Variants in NUP160 observed in about 807,000 individuals in gnomAD.
NUP160 encodes the protein nuclear pore complex protein Nup160.
Under a neutral mutation model 196.9 loss-of-function variants are expected in NUP160, and 94 were observed. The observed-to-expected ratio is 0.48, with a 90% confidence interval of 0.40 to 0.57. The LOEUF (loss-of-function observed/expected upper bound fraction) is 0.57. Ranked by LOEUF, NUP160 falls within the 20% of genes least tolerant of loss-of-function variation. The pLI is 0.00. For synonymous variants in NUP160, 605 were observed against 619.7 expected (o/e 0.98, Z 0.35); for missense variants, 1,638 against 1,748.3 (o/e 0.94, Z 1.13).
At chr11:47,814,497 C>A (rs1197767114) in intron 13 of NUP160, among the ~76,000 whole-genome samples, 1 of 149,776 alleles carries the variant, frequency 6.7e-6, no homozygotes, top group Non-Finnish European at 1.5e-5. Context: ...GCCGAGATTG[C>A]ACCACTGGAC....
intron 23 of NUP160, among the ~76,000 whole-genome samples, chr11:47,800,186 G>A (rs1268716276): frequency 6.6e-6 from 1 of 151,402 alleles, no homozygotes; most frequent in African/African-American, 2.4e-5. Flanking sequence ...CCTGGTAGAC[G>A]GAGGTTGCAG....
exon 25 of NUP160, chr11:47,798,258 G>A (rs1248573094): frequency 1.2e-6 from 2 of 1,605,006 alleles, no homozygotes; most frequent in East Asian, 4.5e-5. Context: ...TGTCCTTAGA[G>A]TAGCCTAAAT....
chr11:47,807,609 G>C (rs1313541145), intron 18 of NUP160, among the ~76,000 whole-genome samples: 1 of 152,068 alleles, frequency 6.6e-6, no homozygotes, highest in Non-Finnish European at 1.5e-5. Flanking sequence ...GGAGGTTGCA[G>C]TGAGCCGAGA....
intron 33 of NUP160, among the ~76,000 whole-genome samples, chr11:47,783,535 G>C (rs992850045): frequency 2.0e-5 from 3 of 152,232 alleles, no homozygotes; most frequent in Admixed American, 6.5e-5. Flanking sequence ...AACTTTTCCT[G>C]AACACTAAAG....
chr11:47,814,081 A>AG (rs1302037656), intron 13 of NUP160, among the ~76,000 whole-genome samples: 2 of 139,162 alleles, frequency 1.4e-5, no homozygotes, highest in Admixed American at 1.4e-4. Flanking sequence ...AAAAAAAAAA[A>AG]AAAAAAAAAA....
At chr11:47,837,488 C>G (rs1181545742) in intron 5 of NUP160, 57 bp downstream of exon 5, 1 of 1,291,282 alleles carries the variant, frequency 7.7e-7, no homozygotes, top group East Asian at 2.3e-5. Context: ...AACTGCCGAC[C>G]AGTGCAAAAA....
Position 47,779,199 on chromosome 11 carries a change from A to G in NUP160, c.4222-5T>C. 1 of 1,579,984 alleles carries G rather than the reference A, an allele frequency of 6.3e-7. No individual in the cohort carries two copies. On this transcript the variant is annotated splice_polypyrimidine_tract_variant and splice_region_variant and intron_variant, in intron 35 of 35. Transcript: ENST00000378460. ...GTCAAGTATTTTCTGGGACAGCTAT[A>G]AGAGAAAAGAAGGAAAACATTACAT...
intron 26 of NUP160, 37 bp from the exon 27 acceptor site, chr11:47,797,921 A>G: frequency 1.3e-6 from 2 of 1,570,938 alleles, no homozygotes; most frequent in Non-Finnish European, 1.7e-6. Flanking sequence ...CTAAGTCAGT[A>G]GCAATCATGG....
In NUP160 at chr11:47,813,033, G is replaced by A. The variant is rs776466688; in HGVS notation, c.1801C>T (p.Arg601Trp). 8.7e-6 allele frequency: 14 copies of A among 1,606,712 alleles called. No homozygotes were observed. Among genetic ancestry groups the A allele is most frequent in the South Asian group, 6.6e-5 (6 of 90,362 alleles). Reference sequence around the variant, plus strand: ...CATTTTATAAGACATATGACATCCCGAGCGATGTCCACATCTACAAATAAG... The same window carrying A: ...CATTTTATAAGACATATGACATCCCAAGCGATGTCCACATCTACAAATAAG... Residue 601 changes from arginine (R) to tryptophan (W), a missense_variant, in exon 15 of 36, where the codon CGG becomes TGG. Arg to Trp is a moderately radical substitution (Grantham distance 101). Coordinates refer to ENST00000378460, the Ensembl canonical transcript of NUP160.
chr11:47,827,286 C>A (rs1039730480), intron 7 of NUP160: 6 of 384,706 alleles, frequency 1.6e-5, no homozygotes, highest in African/African-American at 8.4e-5. Context: ...ATCGCTTGAA[C>A]CTGAGAGGTG....
chr11:47,807,671 G>GA lies in NUP160; in HGVS notation c.2376-532dup, dbSNP rs993553556. 7.7e-3 allele frequency among the ~76,000 whole-genome samples: 1,060 copies of GA among 137,698 alleles called. 17 individuals carry two copies. Among genetic ancestry groups the GA allele is most frequent in the African/African-American group, 0.024 (920 of 37,708 alleles). The allele number at this position is 137,698 out of a possible 152,430, so 90.3% of individuals were successfully genotyped here. On this transcript the variant is annotated intron_variant, in intron 18 of 35. Transcript: ENST00000378460. ...AACAAGAGCGAAACTCCATCTCCAA[G>GA]AAAAAAAAAAAAGTGAATCTTGTAA...
chr11:47,779,091 G>A, exon 36 of NUP160: 1 of 1,603,112 alleles, frequency 6.2e-7, no homozygotes, highest in Non-Finnish European at 8.5e-7. Flanking sequence ...ACAAAGGCTA[G>A]GTGACAATCC....
chr11:47,832,266 C>A (rs1852092271), intron 7 of NUP160, among the ~76,000 whole-genome samples: 1 of 152,098 alleles, frequency 6.6e-6, no homozygotes, highest in Non-Finnish European at 1.5e-5. Flanking sequence ...GCAAGGCTCA[C>A]CTTGGGAGAA....
At chr11:47,801,090 G>A (rs2097673919) in intron 23 of NUP160, among the ~76,000 whole-genome samples, 1 of 152,166 alleles carries the variant, frequency 6.6e-6, no homozygotes, top group African/African-American at 2.4e-5. Context: ...CCAGAGGAAA[G>A]AGGGGCAGGA....
intron 7 of NUP160, among the ~76,000 whole-genome samples, chr11:47,833,233 C>T (rs987721258): frequency 6.6e-6 from 1 of 152,090 alleles, no homozygotes; most frequent in African/African-American, 2.4e-5. Flanking sequence ...GCGGGTGGAT[C>T]ACCTGAGGTC....
At chr11:47,846,236 C>A (rs2135407884) in intron 2 of NUP160, among the ~76,000 whole-genome samples, 1 of 152,086 alleles carries the variant, frequency 6.6e-6, no homozygotes, top group East Asian at 1.9e-4. Flanking sequence ...CTCAGCCCCC[C>A]AAAGTGCTGG....
At chr11:47,788,147 T>G (rs765237313) in intron 31 of NUP160, 35 bp downstream of exon 31, 1 of 1,565,458 alleles carries the variant, frequency 6.4e-7, no homozygotes. Context: ...ATATTTGCAT[T>G]AGAAAAGACT....
intron 17 of NUP160, among the ~76,000 whole-genome samples, chr11:47,811,619 C>G (rs2097681186): frequency 6.6e-6 from 1 of 152,082 alleles, no homozygotes; most frequent in Non-Finnish European, 1.5e-5. Flanking sequence ...GGAAAATTTT[C>G]CACTACTACA....
Position 47,804,554 on chromosome 11 carries a change from A to G in NUP160, c.2671T>C (p.Leu891=), listed in dbSNP as rs200803942. 3.4e-5 allele frequency: 52 copies of G among 1,534,524 alleles called. No individual in the cohort carries two copies. The East Asian group carries it at 1.3e-3, about 38-fold the overall frequency. ...AAATGTTCAAAGGAACTCACCTGCA[A>G]TTGTACATATTGGCAATTTCCCATC... The change falls in exon 21 of 36, where the codon TTG becomes CTG. Residue 891 remains leucine (L), a synonymous_variant. Transcript: ENST00000378460.
Sources: gnomAD v4.1 joint callset for allele counts (sites outside exome capture counted in the v4.1 genomes callset) on GRCh38, gnomAD v4.1.1 for gene constraint, MANE v1.5 for transcripts, NCBI Gene and HGNC (gene_info 2026-07-23, HGNC 2026-07-21) for gene names.